Variants in KCNC4 observed in about 807,000 individuals in gnomAD.
KCNC4 encodes the protein voltage-gated potassium channel KCNC4.
Under a neutral mutation model 42.8 loss-of-function variants are expected in KCNC4, and 23 were observed. The ratio of observed to expected loss-of-function variants is 0.54; its 90% CI spans 0.39 to 0.76. KCNC4 has a LOEUF of 0.76. Ranked by LOEUF, KCNC4 falls within the 30% of genes least tolerant of loss-of-function variation. The pLI is 0.00. For missense variants in KCNC4, 751 were observed against 898.2 expected (o/e 0.84, Z 2.10); for synonymous variants, 422 against 393.5 (o/e 1.07, Z -0.86).
intron 1 of KCNC4, chr1:110,219,625 A>T (rs2101002530): frequency 6.6e-6 from 1 of 152,312 alleles, no homozygotes; most frequent in South Asian, 2.1e-4. Flanking sequence ...AGAAGGCTCA[A>T]GGCTGAGGCT....
rs1658219907 is a variant in KCNC4 at position 110,223,429 on chromosome 1, C to A, written c.1144C>A (p.Leu382Met). Residue 382 changes from leucine (L) to methionine (M), a missense_variant, in exon 2 of 4, where the codon CTG (leucine) becomes ATG (methionine). Coordinates refer to ENST00000438661, the MANE Select transcript of KCNC4 (RefSeq NM_001039574.3). The surrounding 1 kb of genome is among the most constrained non-coding windows in gnomAD (Gnocchi z 7.5). ...CCTGAGGGCCAGCACCAATGAGTTC[C>A]TGCTGCTTATCATCTTCCTGGCCCT... Reference protein sequence around the residue: ...HTLRASTNEFLLLIIFLALGV... With the variant: ...HTLRASTNEFMLLIIFLALGV... The A allele has an allele frequency of 1.9e-6, 3 of 1,614,014 alleles. No individual in the cohort carries two copies. In the African/African-American group the frequency reaches 4.0e-5, roughly 22 times the overall value.
exon 4 of KCNC4, chr1:110,248,545 T>G (rs987424713): frequency 3.3e-5 from 5 of 152,228 alleles, no homozygotes; most frequent in African/African-American, 1.2e-4. Flanking sequence ...TAACTAGATT[T>G]GTATTTTTTA....
At chr1:110,276,440 G>A (rs3843830) in intron 1 of KCNC4, among the ~76,000 whole-genome samples, 1 of 151,668 alleles carries the variant, frequency 6.6e-6, no homozygotes, top group Non-Finnish European at 1.5e-5. Flanking sequence ...GAATTTCAGT[G>A]TCTGCAGCTT....
At chr1:110,212,243 A>T in intron 1 of KCNC4, 66 bp downstream of exon 1, 5 of 1,348,288 alleles carry the variant, frequency 3.7e-6, no homozygotes, top group Non-Finnish European at 3.8e-6. Context: ...GGTGGTGGGT[A>T]GGGGCCGGGA....
intron 1 of KCNC4, among the ~76,000 whole-genome samples, chr1:110,212,852 G>T (rs990428007): frequency 1.3e-5 from 2 of 152,182 alleles, no homozygotes; most frequent in Non-Finnish European, 2.9e-5. Flanking sequence ...CTCAGCTGGG[G>T]TGAGAGGAGA....
At chr1:110,256,319 C>T (rs1465801725) in intron 1 of KCNC4, among the ~76,000 whole-genome samples, 1 of 152,202 alleles carries the variant, frequency 6.6e-6, no homozygotes, top group African/African-American at 2.4e-5. Context: ...ACCCAGATCT[C>T]TCCAGTCCCT....
intron 3 of KCNC4, among the ~76,000 whole-genome samples, chr1:110,227,870 G>T (rs1361620541): frequency 6.6e-6 from 1 of 152,168 alleles, no homozygotes; most frequent in Non-Finnish European, 1.5e-5. Flanking sequence ...AGTTTCACCG[G>T]CACGTGCACG....
At chr1:110,271,656 T>G (rs1659637792) in intron 1 of KCNC4, among the ~76,000 whole-genome samples, 6 of 152,206 alleles carry the variant, frequency 3.9e-5, no homozygotes, top group Admixed American at 2.0e-4. Context: ...TAGAAGGCCA[T>G]TCCAACAAAA....
At chr1:110,281,989 T>C (rs1353099090) in intron 1 of KCNC4, among the ~76,000 whole-genome samples, 1 of 152,120 alleles carries the variant, frequency 6.6e-6, no homozygotes, top group Non-Finnish European at 1.5e-5. Context: ...ACCAGGAGCC[T>C]AAATTCCCAA....
rs200576153 is a variant in KCNC4 at position 110,223,202 on chromosome 1, C to T, written c.917C>T (p.Thr306Met). ...FLVRIVCCPD[T>M]LDFVKNLLNI... ...GTGCGCATCGTGTGCTGCCCCGACA[C>T]GCTGGACTTCGTCAAGAACCTGCTC... Residue 306 changes from threonine (T) to methionine (M), a missense_variant, in exon 2 of 4, where the codon ACG becomes ATG. Transcript: ENST00000438661. The surrounding 1 kb of genome is among the most constrained non-coding windows in gnomAD (Gnocchi z 7.5). 2.3e-5 allele frequency: 37 copies of T among 1,614,234 alleles called. No homozygotes were observed. The East Asian group carries it at 2.9e-4, about 13-fold the overall frequency.
exon 2 of KCNC4, chr1:110,282,626 T>C (rs74118463): frequency 0.018 from 2,774 of 152,398 alleles, 95 homozygotes; most frequent in African/African-American, 0.06. Context: ...GGCTGGAGGA[T>C]GGAGGGATCT....
intron 1 of KCNC4, chr1:110,222,133 C>T (rs576719890): frequency 2.0e-5 from 3 of 152,336 alleles, no homozygotes; most frequent in African/African-American, 2.4e-5. Context: ...ACTGGTTCTT[C>T]TGACCAGACC....
chr1:110,267,408 C>T lies in KCNC4; in HGVS notation n.31-15126C>T, dbSNP rs537944006. On this transcript the variant is annotated intron_variant and non_coding_transcript_variant, in intron 1 of 2. Transcript: ENST00000412512. ...TGCACACACCTCAGTTCAGCTGATACGAGGCCCGTCCTTATTCCCCGCTGC... is the reference window on the plus strand; with the variant it reads ...TGCACACACCTCAGTTCAGCTGATATGAGGCCCGTCCTTATTCCCCGCTGC... 2.6e-5 allele frequency among the ~76,000 whole-genome samples: 4 copies of T among 152,188 alleles called. No homozygotes were observed. In the South Asian group the frequency reaches 6.2e-4, roughly 24 times the overall value.
chr1:110,226,512 C>G (rs891329600), intron 3 of KCNC4, among the ~76,000 whole-genome samples: 2 of 152,200 alleles, frequency 1.3e-5, no homozygotes, highest in Non-Finnish European at 2.9e-5. Context: ...CCTTCAGGCC[C>G]CATTCCACAG....
At chr1:110,241,389 A>T (rs576146753) in exon 4 of KCNC4, 2 of 152,192 alleles carry the variant, frequency 1.3e-5, no homozygotes, top group East Asian at 3.9e-4. Context: ...CCCAGGAGAT[A>T]GGACTGTTGA....
chr1:110,245,777 C>T (rs1266044533), exon 4 of KCNC4: 2 of 152,208 alleles, frequency 1.3e-5, no homozygotes, highest in African/African-American at 4.8e-5. Context: ...GCTCAGTGCA[C>T]GTATCTTGTC....
intron 1 of KCNC4, chr1:110,221,074 A>C (rs1193239176): frequency 6.6e-6 from 1 of 152,094 alleles, no homozygotes; most frequent in Non-Finnish European, 1.5e-5. Context: ...GTGATGGGGG[A>C]CCTGTCCTAA....
In KCNC4 at chr1:110,226,059, C is replaced by T. The variant is rs147798518; in HGVS notation, c.1700C>T (p.Thr567Ile). 160 of 1,613,978 alleles carry T rather than the reference C, an allele frequency of 9.9e-5. No homozygotes were observed. The highest frequency in any genetic ancestry group is 1.2e-4 in the Non-Finnish European group (147 of 1,179,906). ...ACCCAACCCCTGGCCTCCTCCCCGA[C>T]CCCCGAGGAGCGCCGGGCCCTGCGA... Reference protein sequence around the residue: ...GLTQPLASSPTPEERRALRRS... With the variant: ...GLTQPLASSPIPEERRALRRS... The change falls in exon 3 of 4, where the codon ACC (threonine) becomes ATC (isoleucine). Residue 567 changes from threonine to isoleucine, a missense_variant. By Grantham distance (89) the Thr-to-Ile change is moderately conservative. This residue lies in a region of KCNC4 where 202 missense variants were observed against 181.5 expected (regional missense o/e 1.11). Coordinates refer to ENST00000438661, the MANE Select transcript of KCNC4 (RefSeq NM_001039574.3).
At chr1:110,232,840 C>G (rs1194239566) in intron 3 of KCNC4, 71 bp from the exon 4 acceptor site, 4 of 1,557,050 alleles carry the variant, frequency 2.6e-6, no homozygotes, top group Non-Finnish European at 2.6e-6. Context: ...CCTGTCCCCC[C>G]AACCCCAGAA....
Sources: gnomAD v4.1 joint callset for allele counts (sites outside exome capture counted in the v4.1 genomes callset) on GRCh38, gnomAD v4.1.1 for gene constraint, gnomAD v4.1.1 regional missense constraint, Gnocchi (gnomAD v3.1) non-coding constraint, MANE v1.5 for transcripts, NCBI Gene and HGNC (gene_info 2026-07-23, HGNC 2026-07-21) for gene names.